Variants in SPATA6 observed in about 807,000 individuals in gnomAD.
SPATA6 encodes spermatogenesis associated 6.
In SPATA6, 56 loss-of-function variants were observed where a neutral mutation model predicts 65.3. That is an observed-to-expected ratio of 0.86 (90% CI 0.69 to 1.07). The LOEUF is 1.07. SPATA6 is among the 50% of genes least tolerant of loss of function. SPATA6 has a pLI of 0.00. For missense variants in SPATA6, 590 were observed against 594.8 expected, an observed-to-expected ratio of 0.99 and a Z score of 0.08; for synonymous variants, 199 against 213.2, an observed-to-expected ratio of 0.93 and a Z score of 0.58.
At chr1:48,459,055 AT>A (rs1657218555) in intron 1 of SPATA6, among the ~76,000 whole-genome samples, 1 of 151,962 alleles carries the variant, frequency 6.6e-6, no homozygotes, top group African/African-American at 2.4e-5. Flanking sequence ...AATAGAAAAA[AT>A]TAACTGGGCG....
chr1:48,405,752 T>C (rs1651642007), intron 5 of SPATA6, among the ~76,000 whole-genome samples: 1 of 152,046 alleles, frequency 6.6e-6, no homozygotes. Flanking sequence ...CTAAGTATAA[T>C]CCAAACTCAA....
chr1:48,289,367 A>C, the SPATA6 span, among the ~76,000 whole-genome samples: 2 of 152,224 alleles, frequency 1.3e-5, no homozygotes, highest in Non-Finnish European at 2.9e-5. Context: ...CAAAGACCAA[A>C]GGTAGATAAA....
intron 11 of SPATA6, among the ~76,000 whole-genome samples, chr1:48,350,413 G>C (rs139261589): frequency 6.6e-6 from 1 of 150,684 alleles, no homozygotes; most frequent in Non-Finnish European, 1.5e-5. Context: ...GACTTCCACA[G>C]AGCAAATTAA....
At chr1:48,423,670 C>T (rs1349922951) in intron 3 of SPATA6, among the ~76,000 whole-genome samples, 1 of 149,806 alleles carries the variant, frequency 6.7e-6, no homozygotes, top group East Asian at 2.0e-4. Flanking sequence ...GTCTCAGCCT[C>T]CCGAGTAGCT....
chr1:48,436,917 T>C (rs1654995231), intron 3 of SPATA6: 2 of 1,613,374 alleles, frequency 1.2e-6, no homozygotes, highest in Admixed American at 1.7e-5. Flanking sequence ...AAAGTGTGCT[T>C]GTCTCCAGTG....
intron 9 of SPATA6, among the ~76,000 whole-genome samples, chr1:48,369,634 G>A (rs146788014): frequency 0.036 from 5,487 of 152,320 alleles, 140 homozygotes; most frequent in Non-Finnish European, 0.057. Flanking sequence ...TCGGAAAAGC[G>A]CAGTAGTGGG....
intron 8 of SPATA6, among the ~76,000 whole-genome samples, chr1:48,394,661 TA>T (rs766029164): frequency 1.3e-5 from 2 of 152,062 alleles, no homozygotes; most frequent in Non-Finnish European, 2.9e-5. Context: ...TTAATGATTT[TA>T]TTTTTTTTCA....
intron 3 of SPATA6, among the ~76,000 whole-genome samples, chr1:48,419,002 A>G (rs777621750): frequency 6.6e-6 from 1 of 152,158 alleles, no homozygotes; most frequent in Non-Finnish European, 1.5e-5. Flanking sequence ...TACTAACACT[A>G]TATTTTTCCT....
At chr1:48,272,507 G>C in the SPATA6 span, among the ~76,000 whole-genome samples, 1 of 152,040 alleles carries the variant, frequency 6.6e-6, no homozygotes, top group Non-Finnish European at 1.5e-5. Context: ...GTCACAAATG[G>C]CAGGATTTCC....
intron 9 of SPATA6, among the ~76,000 whole-genome samples, chr1:48,371,288 T>TTA (rs1647257750): frequency 1.3e-5 from 2 of 151,964 alleles, no homozygotes; most frequent in Non-Finnish European, 2.9e-5. Flanking sequence ...GATAGATAGA[T>TTA]AGATAGATAG....
At chr1:48,466,173 A>G (rs1457729030) in intron 1 of SPATA6, among the ~76,000 whole-genome samples, 2 of 152,136 alleles carry the variant, frequency 1.3e-5, no homozygotes, top group African/African-American at 4.8e-5. Context: ...ATTGTTTTGA[A>G]TAATAAAAAG....
chr1:48,342,079 G>C (rs1027289487), intron 11 of SPATA6, among the ~76,000 whole-genome samples: 1 of 152,186 alleles, frequency 6.6e-6, no homozygotes, highest in Non-Finnish European at 1.5e-5. Flanking sequence ...AAAAGCAGGG[G>C]TTGGCAAACT....
At chr1:48,301,972 G>C (rs532659878) in intron 12 of SPATA6, among the ~76,000 whole-genome samples, 28 of 152,294 alleles carry the variant, frequency 1.8e-4, no homozygotes, top group Non-Finnish European at 3.5e-4. Context: ...TCTAGGCAAA[G>C]ATTACTTGAG....
chr1:48,362,066 A>C (rs1646829747), intron 9 of SPATA6, among the ~76,000 whole-genome samples: 1 of 152,150 alleles, frequency 6.6e-6, no homozygotes, highest in Admixed American at 6.6e-5. Context: ...AACAAGATCA[A>C]GGAGGCTGAT....
At chr1:48,263,331 GT>G in the SPATA6 span, among the ~76,000 whole-genome samples, 87,132 of 151,952 alleles carry the variant, frequency 0.57, 26,118 homozygotes, top group East Asian at 0.79. Flanking sequence ...TGAAATTGGA[GT>G]TTTTTATGAG....
At chr1:48,370,033 A>T (rs1442557296) in intron 9 of SPATA6, among the ~76,000 whole-genome samples, 1 of 152,204 alleles carries the variant, frequency 6.6e-6, no homozygotes, top group Non-Finnish European at 1.5e-5. Flanking sequence ...GATTCCTGAA[A>T]AGTTGCTTAC....
chr1:48,311,474 A>G lies in SPATA6; in HGVS notation c.1195-5596T>C, dbSNP rs1261058062. On this transcript the variant is annotated intron_variant, in intron 11 of 12. Transcript: ENST00000371847. ...TCTATAAATAAAAGAACAAATTACT[A>G]GAAAGATAAAAACTATTTAAACAGA... Among the ~76,000 whole-genome samples, 3 of 152,308 alleles carry G rather than the reference A, an allele frequency of 2.0e-5. No homozygotes were observed. The East Asian group carries it at 5.8e-4, about 29-fold the overall frequency.
intron 11 of SPATA6, among the ~76,000 whole-genome samples, chr1:48,337,831 A>G (rs906838339): frequency 3.9e-5 from 6 of 152,008 alleles, no homozygotes; most frequent in Non-Finnish European, 5.9e-5. Context: ...GTGGAAATTA[A>G]AGATCTAAAT....
chr1:48,433,210 G>T (rs907323165), intron 3 of SPATA6, among the ~76,000 whole-genome samples: 1 of 152,040 alleles, frequency 6.6e-6, no homozygotes, highest in South Asian at 2.1e-4. Context: ...CTGCATGGTG[G>T]TAATGGGTGC....
Sources: allele counts gnomAD v4.1 joint callset (sites outside exome capture counted in the v4.1 genomes callset), GRCh38; gene constraint gnomAD v4.1.1; transcripts MANE v1.5; gene names NCBI Gene and HGNC (gene_info 2026-07-23, HGNC 2026-07-21).